DCC: variants seen among roughly 807,000 people sequenced by gnomAD.
DCC encodes netrin receptor DCC.
Under a neutral mutation model 172.5 loss-of-function variants are expected in DCC, and 58 were observed. That is an observed-to-expected ratio of 0.34 (90% CI 0.27 to 0.42). DCC has a LOEUF of 0.42. DCC is among the 10% of genes least tolerant of loss of function. The probability of loss-of-function intolerance (pLI) is 1.00; values close to 1 mark genes in which losing one functional copy is unlikely to be tolerated. For synonymous variants in DCC, 709 were observed against 644.5 expected (o/e 1.10, Z -1.52); for missense variants, 1,740 against 1,791.0 (o/e 0.97, Z 0.51).
intron 2 of DCC, among the ~76,000 whole-genome samples, chr18:52,798,571 C>T (rs967073215): frequency 2.0e-5 from 3 of 150,924 alleles, no homozygotes; most frequent in Non-Finnish European, 4.4e-5. Flanking sequence ...AATCCAAATA[C>T]TTTCTGAGTT....
chr18:53,112,098 A>C (rs2043341763), intron 7 of DCC, among the ~76,000 whole-genome samples: 2 of 151,450 alleles, frequency 1.3e-5, no homozygotes, highest in African/African-American at 2.4e-5. Flanking sequence ...GTAAAAAAAA[A>C]CAAATCAAAA....
At chr18:53,529,030 T>TCA (rs1311461602) in intron 28 of DCC, among the ~76,000 whole-genome samples, 1 of 65,514 alleles carries the variant, frequency 1.5e-5, no homozygotes, top group African/African-American at 7.8e-5. Flanking sequence ...TCTCTCTCTC[T>TCA]CTCTCTCTCA....
chr18:52,730,677 C>T (rs79122004), intron 1 of DCC, among the ~76,000 whole-genome samples: 376 of 152,270 alleles, frequency 2.5e-3, no homozygotes, highest in African/African-American at 8.3e-3. Flanking sequence ...TGGCTGAATT[C>T]AAACCTTCTT....
chr18:52,478,361 T>C (rs1790361801), intron 1 of DCC, among the ~76,000 whole-genome samples: 1 of 152,220 alleles, frequency 6.6e-6, no homozygotes, highest in Non-Finnish European at 1.5e-5. Context: ...AATGAATCCC[T>C]GCTGAAGGGT....
intron 5 of DCC, among the ~76,000 whole-genome samples, chr18:52,954,912 G>C (rs1038134386): frequency 6.6e-5 from 10 of 152,034 alleles, no homozygotes; most frequent in Non-Finnish European, 1.3e-4. Context: ...TTACGAACAG[G>C]TTTAGGTTCA....
intron 2 of DCC, among the ~76,000 whole-genome samples, chr18:52,838,883 C>T (rs1244028441): frequency 1.3e-5 from 2 of 152,044 alleles, no homozygotes; most frequent in African/African-American, 4.8e-5. Flanking sequence ...TGAAGAGGAT[C>T]TTAGAAGATA....
intron 7 of DCC, among the ~76,000 whole-genome samples, chr18:53,105,204 T>G (rs574731395): frequency 1.3e-5 from 2 of 152,172 alleles, no homozygotes; most frequent in South Asian, 4.1e-4. Context: ...TGGTGCTATT[T>G]CTTGACACAG....
At chr18:52,729,182 G>A (rs541061689) in intron 1 of DCC, among the ~76,000 whole-genome samples, 27 of 152,168 alleles carry the variant, frequency 1.8e-4, no homozygotes, top group African/African-American at 6.5e-4. Flanking sequence ...TTTGTTATTC[G>A]CTTGCTTTGT....
chr18:53,297,048 C>T (rs1316284727), intron 12 of DCC, among the ~76,000 whole-genome samples: 1 of 152,150 alleles, frequency 6.6e-6, no homozygotes, highest in Non-Finnish European at 1.5e-5. Flanking sequence ...TGTCAGTGTG[C>T]AGTAGGAGAT....
At chr18:53,026,072 T>A (rs2143940163) in intron 5 of DCC, among the ~76,000 whole-genome samples, 1 of 152,192 alleles carries the variant, frequency 6.6e-6, no homozygotes, top group East Asian at 1.9e-4. Context: ...GGGACTCATG[T>A]GAGTTAATAA....
At chr18:52,460,133 G>T (rs142965313) in intron 1 of DCC, among the ~76,000 whole-genome samples, 1 of 152,016 alleles carries the variant, frequency 6.6e-6, no homozygotes, top group Non-Finnish European at 1.5e-5. Flanking sequence ...CTCACTTCCT[G>T]CTTTAGATAT....
chr18:52,466,315 T>C (rs922303775), intron 1 of DCC, among the ~76,000 whole-genome samples: 3 of 152,152 alleles, frequency 2.0e-5, no homozygotes, highest in African/African-American at 7.2e-5. Flanking sequence ...CGTTTTCTAA[T>C]AACAGCAGTA....
At chr18:53,311,512 A>G (rs140579130) in intron 13 of DCC, among the ~76,000 whole-genome samples, 206 of 152,218 alleles carry the variant, frequency 1.4e-3, no homozygotes, top group Middle Eastern at 3.4e-3. Context: ...TCCCAGGTGA[A>G]TTGTGTGTTG....
intron 2 of DCC, among the ~76,000 whole-genome samples, chr18:52,897,717 G>C (rs1436105001): frequency 3.6e-5 from 2 of 56,294 alleles, no homozygotes; most frequent in African/African-American, 1.1e-4. Context: ...AGATCACATA[G>C]GGTGAACATC....
At chr18:52,637,953 A>T (rs1340908856) in intron 1 of DCC, among the ~76,000 whole-genome samples, 1 of 152,216 alleles carries the variant, frequency 6.6e-6, no homozygotes, top group Non-Finnish European at 1.5e-5. Context: ...AACCTATCAT[A>T]TTAACAGCAG....
intron 17 of DCC, among the ~76,000 whole-genome samples, chr18:53,395,682 G>A (rs543774396): frequency 1.4e-3 from 211 of 152,184 alleles, no homozygotes; most frequent in African/African-American, 4.6e-3. Flanking sequence ...TCGCTCTGTG[G>A]TCCAGGCTGG....
rs552630654 is a variant in DCC at position 52,537,075 on chromosome 18, CAG to C, written c.91+196202_91+196203del. Among the ~76,000 whole-genome samples the C allele has an allele frequency of 1.3e-3, 196 of 152,104 alleles. 1 individual carries two copies. Among genetic ancestry groups the C allele is most frequent in the African/African-American group, 4.4e-3 (183 of 41,496 alleles). ...CTATTGGATTTGATTATTTTTGTAC[CAG>C]AGAGTTTAATTGTGAACTCTGATTT... is the stretch of plus-strand genomic sequence containing the variant. On this transcript the variant is annotated intron_variant, in intron 1 of 28. Coordinates refer to ENST00000442544, the MANE Select transcript of DCC (RefSeq NM_005215.4).
intron 2 of DCC, among the ~76,000 whole-genome samples, chr18:52,825,176 A>G (rs1240499142): frequency 6.6e-6 from 1 of 152,202 alleles, no homozygotes; most frequent in Admixed American, 6.5e-5. Flanking sequence ...TAATGATATG[A>G]CAAAGAGAAT....
At chr18:52,630,681 T>TG (rs1343492218) in intron 1 of DCC, among the ~76,000 whole-genome samples, 2 of 152,056 alleles carry the variant, frequency 1.3e-5, no homozygotes, top group Non-Finnish European at 2.9e-5. Context: ...GCAGAACACT[T>TG]GCACTTTCAC....
Sources: allele counts gnomAD v4.1 joint callset (sites outside exome capture counted in the v4.1 genomes callset), GRCh38; gene constraint gnomAD v4.1.1; transcripts MANE v1.5; gene names NCBI Gene and HGNC (gene_info 2026-07-23, HGNC 2026-07-21).